Variants in DHRSX observed in about 807,000 individuals in gnomAD.
The protein encoded by DHRSX is polyprenol dehydrogenase.
Under a neutral mutation model 34.0 loss-of-function variants are expected in DHRSX, and 31 were observed. The observed-to-expected ratio is 0.91, with a 90% confidence interval of 0.69 to 1.23. The LOEUF (loss-of-function observed/expected upper bound fraction) is 1.23. DHRSX is among the 50% of genes most tolerant of loss of function. The pLI is 0.00. For missense variants in DHRSX, 414 were observed against 428.1 expected (o/e 0.97, Z 0.29); for synonymous variants, 201 against 183.8 (o/e 1.09, Z -0.76).
chrX:2,401,352 C>G (rs771498378), intron 3 of DHRSX, among the ~76,000 whole-genome samples: 1 of 152,330 alleles, frequency 6.6e-6, no homozygotes, highest in African/African-American at 2.4e-5. Context: ...CTCAAGCTAT[C>G]TGCCCGCCTA....
chrX:2,360,758 AGACAC>A (rs2042923556), intron 3 of DHRSX, among the ~76,000 whole-genome samples: 1 of 152,006 alleles, frequency 6.6e-6, no homozygotes, highest in South Asian at 2.1e-4. Context: ...GTTGGTACCG[AGACAC>A]GGCCCGATGT....
At chrX:2,457,670 C>G (rs1445484483) in intron 1 of DHRSX, among the ~76,000 whole-genome samples, 1 of 150,768 alleles carries the variant, frequency 6.6e-6, no homozygotes, top group African/African-American at 2.4e-5. Context: ...GATGGTTCCC[C>G]TAAGCATGTG....
At chrX:2,360,801 CT>C (rs1245157285) in intron 3 of DHRSX, among the ~76,000 whole-genome samples, 1 of 151,966 alleles carries the variant, frequency 6.6e-6, no homozygotes, top group Non-Finnish European at 1.5e-5. Flanking sequence ...GGGAACATGG[CT>C]TCCTCTTCCT....
Position 2,266,753 on chromosome X carries a change from C to A in DHRSX, c.583G>T (p.Asp195Tyr), listed in dbSNP as rs1403361242. 7 of 1,613,944 alleles carry A rather than the reference C, an allele frequency of 4.3e-6. No individual in the cohort carries two copies. Among genetic ancestry groups the A allele is most frequent in the Non-Finnish European group, 5.9e-6 (7 of 1,179,858 alleles). ...GGGTGCACCTACCTGCTCTGAAGGT[C>A]ATCCATGTTCAGCTCAGCGACGTAA... is the stretch of plus-strand genomic sequence containing the variant. ...THYVAELNMDDLQSSACYSPH... is the reference protein window; with the variant it reads ...THYVAELNMDYLQSSACYSPH... The change falls in exon 5 of 7, where the codon GAC becomes TAC. Residue 195 changes from aspartate to tyrosine, a missense_variant. Asp to Tyr is a radical substitution (Grantham distance 160, BLOSUM62 -3). Transcript: ENST00000334651.
intron 6 of DHRSX, among the ~76,000 whole-genome samples, chrX:2,232,023 T>TC (rs2015903451): frequency 2.7e-5 from 1 of 36,430 alleles, no homozygotes; most frequent in Non-Finnish European, 5.3e-5. Flanking sequence ...TTCTCCTCCT[T>TC]CTTCCTTCTC....
In DHRSX at chrX:2,331,436, GTT is replaced by G. The variant is rs1159991841; in HGVS notation, c.287-39835_287-39834del. 9.6e-3 allele frequency among the ~76,000 whole-genome samples: 909 copies of G among 94,506 alleles called. 2 individuals carry two copies. Among genetic ancestry groups the G allele is most frequent in the Non-Finnish European group, 0.016 (726 of 46,356 alleles). 62.0% of individuals were successfully genotyped at this position (94,506 alleles called of 152,430 possible). On this transcript the variant is annotated intron_variant, in intron 3 of 6. Coordinates refer to ENST00000334651, the MANE Select transcript of DHRSX (RefSeq NM_145177.3). The stretch of plus-strand genomic sequence containing the variant: ...GGAATCCTTTCAGGAAGGTTTTTTG[GTT>G]TTTTTTTTTTTTTTTTTTTTTTTTT...
At chrX:2,335,184 C>A (rs868510179) in intron 3 of DHRSX, among the ~76,000 whole-genome samples, 160 of 116,414 alleles carry the variant, frequency 1.4e-3, no homozygotes, top group Middle Eastern at 4.5e-3. Flanking sequence ...GACTCCATCT[C>A]AAAAAAAAAA....
chrX:2,467,875 C>T (rs1235653711), intron 1 of DHRSX, among the ~76,000 whole-genome samples: 1 of 151,156 alleles, frequency 6.6e-6, no homozygotes, highest in Non-Finnish European at 1.5e-5. Context: ...TCAGGAGAAT[C>T]GCTTGAACCC....
At chrX:2,241,922 C>CA (rs1408221204) in intron 6 of DHRSX, among the ~76,000 whole-genome samples, 2 of 152,030 alleles carry the variant, frequency 1.3e-5, no homozygotes, top group African/African-American at 4.8e-5. Context: ...AAAAAACAAG[C>CA]AAACAAACAA....
chrX:2,275,541 G>A lies in DHRSX; in HGVS notation c.389-8594C>T, dbSNP rs2041617513. ...AAAAAAAAAAAGGTGCAGAGATCAT[G>A]AGGGAAATCTCAATGGAATCATCCA... On this transcript the variant is annotated intron_variant, in intron 4 of 6. Coordinates refer to ENST00000334651, the MANE Select transcript of DHRSX (RefSeq NM_145177.3). 1.3e-5 allele frequency among the ~76,000 whole-genome samples: 2 copies of A among 149,650 alleles called. 1 individual carries two copies. The highest frequency in any genetic ancestry group is 1.3e-4 in the Admixed American group (2 of 15,014).
At chrX:2,422,350 G>T (rs112662038) in intron 2 of DHRSX, among the ~76,000 whole-genome samples, 1 of 151,498 alleles carries the variant, frequency 6.6e-6, no homozygotes, top group Non-Finnish European at 1.5e-5. Flanking sequence ...GCAACCTCCG[G>T]CTCCCTGGCT....
chrX:2,243,022 C>T lies in DHRSX; in HGVS notation c.804+1G>A, dbSNP rs1314870328. 6.2e-7 allele frequency: 1 copy of T among 1,613,040 alleles called. No individual in the cohort carries two copies. Among genetic ancestry groups the T allele is most frequent in the Non-Finnish European group, 8.5e-7 (1 of 1,179,336 alleles). On this transcript the variant is annotated splice_donor_variant, in intron 6 of 6. Coordinates refer to ENST00000334651, the MANE Select transcript of DHRSX (RefSeq NM_145177.3). LOFTEE classifies it high-confidence loss of function. Reference sequence around the variant, plus strand: ...GAATCAGAGAAGCAGAAGGGGCTTACCTTGAAAAGCAACCAGCCGAGAAGC... The same window carrying T: ...GAATCAGAGAAGCAGAAGGGGCTTATCTTGAAAAGCAACCAGCCGAGAAGC...
At chrX:2,226,857 G>C (rs2015676185) in intron 6 of DHRSX, among the ~76,000 whole-genome samples, 1 of 152,050 alleles carries the variant, frequency 6.6e-6, no homozygotes, top group East Asian at 1.9e-4. Flanking sequence ...TCGTGTTAGG[G>C]CAGCACAGAG....
intron 1 of DHRSX, among the ~76,000 whole-genome samples, chrX:2,449,158 C>T (rs141419293): frequency 0.012 from 1,838 of 150,816 alleles, 40 homozygotes; most frequent in African/African-American, 0.043. Context: ...CACTGCACTC[C>T]AGCCTGGGCA....
chrX:2,311,113 CAGAG>C (rs917189901), intron 3 of DHRSX, among the ~76,000 whole-genome samples: 7 of 145,276 alleles, frequency 4.8e-5, no homozygotes, highest in South Asian at 2.2e-4. Context: ...AACTGAGAGA[CAGAG>C]AGAATAAGCG....
chrX:2,359,502 ACC>A (rs2042900987), intron 3 of DHRSX, among the ~76,000 whole-genome samples: 1 of 152,038 alleles, frequency 6.6e-6, no homozygotes, highest in African/African-American at 2.4e-5. Context: ...ACATGGTGAA[ACC>A]CCGTCTCTAC....
chrX:2,446,393 C>T (rs188667450), intron 1 of DHRSX, among the ~76,000 whole-genome samples: 3,513 of 151,256 alleles, frequency 0.023, 118 homozygotes, highest in African/African-American at 0.076. Flanking sequence ...GGACCGCCAC[C>T]GTGTACACAC....
chrX:2,328,733 C>T (rs1187849974), intron 3 of DHRSX, among the ~76,000 whole-genome samples: 15 of 152,166 alleles, frequency 9.9e-5, no homozygotes, highest in Admixed American at 3.3e-4. Context: ...GCTGTTTAAG[C>T]GGCCCAGCCT....
intron 3 of DHRSX, among the ~76,000 whole-genome samples, chrX:2,344,674 T>G (rs1160682435): frequency 2.0e-5 from 3 of 151,500 alleles, no homozygotes; most frequent in Non-Finnish European, 4.4e-5. Flanking sequence ...TGAGAACACA[T>G]GGACACAGGG....
Sources: gnomAD v4.1 joint callset for allele counts (sites outside exome capture counted in the v4.1 genomes callset) on GRCh38, gnomAD v4.1.1 for gene constraint, MANE v1.5 for transcripts, NCBI Gene and HGNC (gene_info 2026-07-23, HGNC 2026-07-21) for gene names.